Variants in MICU2 observed in about 807,000 individuals in gnomAD.
MICU2 encodes calcium uptake protein 2, mitochondrial.
In MICU2, 64 loss-of-function variants were observed where a neutral mutation model predicts 60.4. That is an observed-to-expected ratio of 1.06 (90% CI 0.87 to 1.31). The LOEUF is 1.31. MICU2 is among the 50% of genes most tolerant of loss of function. MICU2 has a pLI of 0.00. For synonymous variants in MICU2, 201 were observed against 175.0 expected, an observed-to-expected ratio of 1.15 and a Z score of -1.17; for missense variants, 569 against 531.0, an observed-to-expected ratio of 1.07 and a Z score of -0.70.
intron 1 of MICU2, among the ~76,000 whole-genome samples, chr13:21,589,169 G>A (rs1031488410): frequency 2.0e-5 from 3 of 152,178 alleles, no homozygotes; most frequent in African/African-American, 7.2e-5. Flanking sequence ...TGCAAGGTCT[G>A]ACTTCTCTAC....
At chr13:21,540,454 C>T (rs1356706715) in intron 2 of MICU2, among the ~76,000 whole-genome samples, 1 of 152,132 alleles carries the variant, frequency 6.6e-6, no homozygotes, top group East Asian at 1.9e-4. Context: ...TATGAAGTTC[C>T]TTCAGCACAA....
chr13:21,539,441 G>C (rs2138000617), intron 3 of MICU2, 64 bp from the exon 4 acceptor site: 3 of 1,452,746 alleles, frequency 2.1e-6, no homozygotes, highest in Non-Finnish European at 2.9e-6. Flanking sequence ...TGGGACTACA[G>C]ACGCCCACCT....
intron 4 of MICU2, among the ~76,000 whole-genome samples, chr13:21,528,867 T>C (rs899364054): frequency 1.3e-5 from 2 of 152,196 alleles, no homozygotes; most frequent in Admixed American, 6.5e-5. Flanking sequence ...CTTGCGTTAA[T>C]TCTCCAATGA....
In MICU2 at chr13:21,603,930, G is replaced by A; in HGVS notation, c.210+9C>T. ...TGACTGGGGCTAGCAGAAGGAGTTA[G>A]TCCTGTACCTGTGCGGAGACTGTAA... On this transcript the variant is annotated intron_variant, in intron 1 of 11. Coordinates refer to ENST00000382374, the MANE Select transcript of MICU2 (RefSeq NM_152726.3). 1 of 1,612,162 alleles carries A rather than the reference G, an allele frequency of 6.2e-7. No individual in the cohort carries two copies. Among genetic ancestry groups the A allele is most frequent in the Non-Finnish European group, 8.5e-7 (1 of 1,179,432 alleles).
intron 1 of MICU2, among the ~76,000 whole-genome samples, chr13:21,594,302 G>A (rs999244112): frequency 6.6e-6 from 1 of 152,196 alleles, no homozygotes. Context: ...CTGGTCATTA[G>A]AGAAATGCAA....
intron 2 of MICU2, among the ~76,000 whole-genome samples, chr13:21,552,470 T>A (rs1593340963): frequency 1.3e-5 from 2 of 152,352 alleles, no homozygotes; most frequent in East Asian, 3.9e-4. Flanking sequence ...TCTGTTGTCA[T>A]TGCTTTTGGT....
chr13:21,523,396 T>C (rs1360655064), intron 4 of MICU2, among the ~76,000 whole-genome samples: 1 of 152,068 alleles, frequency 6.6e-6, no homozygotes, highest in Admixed American at 6.6e-5. Flanking sequence ...TTACTTCTAC[T>C]TAAAGTTTTA....
intron 8 of MICU2, among the ~76,000 whole-genome samples, chr13:21,505,010 A>C (rs1281042666): frequency 1.3e-5 from 2 of 152,184 alleles, no homozygotes; most frequent in African/African-American, 4.8e-5. Context: ...CAGAATTTTT[A>C]ACAAACTCAG....
intron 1 of MICU2, among the ~76,000 whole-genome samples, chr13:21,591,384 A>G (rs1888580852): frequency 6.6e-6 from 1 of 152,202 alleles, no homozygotes; most frequent in Admixed American, 6.5e-5. Context: ...GTTGTTAGAG[A>G]CCTACAAAGA....
Position 21,506,898 on chromosome 13 carries a change from A to G in MICU2, c.761+3106T>C, listed in dbSNP as rs545139057. ...ATTATACTCCCAGAAACACAAAAGT[A>G]TAAGCTCAAAATATTACATATGAAA... is the stretch of plus-strand genomic sequence containing the variant. On this transcript the variant is annotated intron_variant, in intron 8 of 11. Coordinates refer to ENST00000382374, the MANE Select transcript of MICU2 (RefSeq NM_152726.3). 1.2e-4 allele frequency among the ~76,000 whole-genome samples: 18 copies of G among 152,368 alleles called. No individual in the cohort carries two copies. The South Asian group carries it at 2.3e-3, about 19-fold the overall frequency.
intron 7 of MICU2, among the ~76,000 whole-genome samples, chr13:21,512,833 T>G (rs1886465926): frequency 6.6e-6 from 1 of 152,238 alleles, no homozygotes; most frequent in African/African-American, 2.4e-5. Flanking sequence ...TTTGCTCTTA[T>G]GTTTTCTTCT....
intron 1 of MICU2, chr13:21,602,821 A>G (rs1888855640): frequency 1.3e-5 from 2 of 152,218 alleles, no homozygotes; most frequent in Non-Finnish European, 2.9e-5. Context: ...ATGTAAATCT[A>G]AAAAAGAAAA....
chr13:21,597,733 C>T (rs914046787), intron 1 of MICU2, among the ~76,000 whole-genome samples: 11 of 151,796 alleles, frequency 7.2e-5, no homozygotes, highest in African/African-American at 2.4e-4. Context: ...AGATTGAGAC[C>T]ATCCTGGCTA....
chr13:21,498,320 C>G (rs1374564041), intron 9 of MICU2, among the ~76,000 whole-genome samples: 2 of 151,348 alleles, frequency 1.3e-5, no homozygotes, highest in Admixed American at 6.6e-5. Flanking sequence ...TTCCATTCCC[C>G]AGACATGAGT....
chr13:21,569,818 C>CAA (rs536375277), intron 1 of MICU2, among the ~76,000 whole-genome samples: 27 of 125,590 alleles, frequency 2.1e-4, no homozygotes, highest in African/African-American at 6.7e-4. Context: ...CTTCGTTTTA[C>CAA]AAAAAAAAAA....
intron 1 of MICU2, among the ~76,000 whole-genome samples, chr13:21,581,820 T>A (rs777029075): frequency 3.9e-5 from 6 of 152,118 alleles, no homozygotes; most frequent in Non-Finnish European, 5.9e-5. Context: ...CGTCTAAAAA[T>A]GTCACCAGCT....
chr13:21,525,432 C>T (rs1317249183), intron 4 of MICU2, among the ~76,000 whole-genome samples: 1 of 151,896 alleles, frequency 6.6e-6, no homozygotes, highest in Non-Finnish European at 1.5e-5. Flanking sequence ...ACCTCGTGAT[C>T]TGCCTGCCTC....
At chr13:21,510,245 G>C (rs548063047) in intron 7 of MICU2, 144 bp from the exon 8 acceptor site, 269 of 400,216 alleles carry the variant, frequency 6.7e-4, no homozygotes, top group African/African-American at 5.2e-3. Context: ...AAGAGGGATA[G>C]AGCCATTCCT....
At chr13:21,495,975 T>C (rs1385970171) in intron 10 of MICU2, 77 bp downstream of exon 10, 7 of 974,768 alleles carry the variant, frequency 7.2e-6, no homozygotes, top group African/African-American at 1.7e-5. Flanking sequence ...TGTTCCTTGA[T>C]TGGTAGCATT....
Sources: allele counts gnomAD v4.1 joint callset (sites outside exome capture counted in the v4.1 genomes callset), GRCh38; gene constraint gnomAD v4.1.1; transcripts MANE v1.5; gene names NCBI Gene and HGNC (gene_info 2026-07-23, HGNC 2026-07-21).